Variants in TULP4 observed in about 807,000 individuals in gnomAD.
The protein encoded by TULP4 is tubby-related protein 4.
A neutral mutation model predicts 129.0 loss-of-function variants in TULP4; 16 were observed. The ratio of observed to expected loss-of-function variants is 0.12; its 90% CI spans 0.08 to 0.19. The LOEUF (loss-of-function observed/expected upper bound fraction) is 0.19. TULP4 is among the 10% of genes least tolerant of loss of function. TULP4 has a pLI of 1.00. For missense variants in TULP4, 1,842 were observed against 2,059.1 expected (o/e 0.89, Z 2.04); for synonymous variants, 998 against 854.0 (o/e 1.17, Z -2.94).
chr6:158,345,775 G>A (rs184147120), intron 1 of TULP4, among the ~76,000 whole-genome samples: 1 of 152,202 alleles, frequency 6.6e-6, no homozygotes, highest in Non-Finnish European at 1.5e-5. Context: ...CAGGGTTCAA[G>A]AGCAGAGAAG....
rs117573164 is a variant in TULP4 at position 158,503,887 on chromosome 6, C to T, written c.4224C>T (p.Ser1408=). 3,051 of 1,614,056 alleles carry T rather than the reference C, an allele frequency of 1.9e-3. 7 individuals carry two copies. The highest frequency in any genetic ancestry group is 1.7e-3 in the Non-Finnish European group (2,055 of 1,180,036). ...KTNEFQDSSE[S]EPELFISGDE... ...ACGAGTTCCAGGACAGCTCCGAGAG[C>T]GAGCCTGAGCTGTTCATCAGCGGGG... is the stretch of plus-strand genomic sequence containing the variant. The change falls in exon 13 of 14, where the codon AGC becomes AGT. Residue 1408 remains serine (S), a synonymous_variant. Transcript: ENST00000367097. The surrounding 1 kb of genome is among the most constrained non-coding windows in gnomAD (Gnocchi z 4.3).
chr6:158,294,078 A>G (rs1233340770), intron 1 of TULP4, among the ~76,000 whole-genome samples: 1 of 152,204 alleles, frequency 6.6e-6, no homozygotes, highest in Non-Finnish European at 1.5e-5. Flanking sequence ...GAAGCAGGTC[A>G]TCGGGCCAGG....
intron 1 of TULP4, among the ~76,000 whole-genome samples, chr6:158,381,444 C>T (rs953175029): frequency 2.0e-5 from 3 of 152,244 alleles, no homozygotes; most frequent in African/African-American, 7.2e-5. Context: ...TATGGCAGTT[C>T]AGGACAGATT....
At chr6:158,454,648 C>G (rs1241706689) in intron 5 of TULP4, among the ~76,000 whole-genome samples, 1 of 151,712 alleles carries the variant, frequency 6.6e-6, no homozygotes, top group African/African-American at 2.4e-5. Flanking sequence ...TCTTGTTGCC[C>G]AGGCTGGAGT....
chr6:158,424,654 G>GA (rs1778433100), intron 2 of TULP4, among the ~76,000 whole-genome samples: 1 of 152,078 alleles, frequency 6.6e-6, no homozygotes, highest in Non-Finnish European at 1.5e-5. Flanking sequence ...GACAAGGGGA[G>GA]AAAAAAGCGT....
At chr6:158,457,401 C>G (rs547505672) in intron 5 of TULP4, among the ~76,000 whole-genome samples, 5 of 152,082 alleles carry the variant, frequency 3.3e-5, no homozygotes, top group African/African-American at 1.2e-4. Flanking sequence ...GCTCAAAGGC[C>G]GGGTTCTGGG....
rs749856946 is a variant in TULP4 at position 158,501,657 on chromosome 6, C to T, written c.2015-21C>T. ...ATGGCAGTGTTTTTGTAAGCAGTTC[C>T]TTTTTCTAATTTTCTTCCAGTGACA... On this transcript the variant is annotated intron_variant, in intron 12 of 13. Transcript: ENST00000367097. 1.4e-5 allele frequency: 23 copies of T among 1,598,000 alleles called. No homozygotes were observed. The Middle Eastern group carries it at 5.0e-4, about 35-fold the overall frequency.
At chr6:158,448,241 A>C (rs993999626) in intron 3 of TULP4, among the ~76,000 whole-genome samples, 1 of 152,208 alleles carries the variant, frequency 6.6e-6, no homozygotes, top group Non-Finnish European at 1.5e-5. Flanking sequence ...GGTGAGGCCA[A>C]GGAAGGTGTC....
rs377428285 is a variant in TULP4, at chr6:158,502,447, G to A, written c.2784G>A (p.Thr928=). Residue 928 remains threonine (T), a synonymous_variant, in exon 13 of 14, where the codon ACG becomes ACA. Coordinates refer to ENST00000367097, the MANE Select transcript of TULP4 (RefSeq NM_020245.5). ...GPGSSATLRL[T]ATEKKVPQPC... is the part of the protein sequence containing the mutation. ...GTAGCTCTGCCACCTTGAGGCTCAC[G>A]GCCACTGAGAAGAAGGTCCCTCAGC... The A allele has an allele frequency of 1.9e-5, 31 of 1,613,010 alleles. No individual in the cohort carries two copies. The highest frequency in any genetic ancestry group is 4.5e-5 in the East Asian group (2 of 44,824).
At chr6:158,466,897 T>G (rs1779565031) in intron 6 of TULP4, among the ~76,000 whole-genome samples, 2 of 152,208 alleles carry the variant, frequency 1.3e-5, no homozygotes, top group South Asian at 4.1e-4. Flanking sequence ...CTGATCACTT[T>G]TCGCACTCTG....
At chr6:158,309,762 G>A (rs77167922), upstream of TULP4, among the ~76,000 whole-genome samples, 26,238 of 151,784 alleles carry the variant, frequency 0.17, 2,696 homozygotes, top group Middle Eastern at 0.24. Flanking sequence ...GTGGCGGCGC[G>A]CCTGCAATCG....
chr6:158,299,698 A>G (rs1299846698), intron 1 of TULP4, among the ~76,000 whole-genome samples: 1 of 152,190 alleles, frequency 6.6e-6, no homozygotes, highest in Non-Finnish European at 1.5e-5. Flanking sequence ...CTGTAGCTCC[A>G]GGCAGCCACA....
Position 158,489,693 on chromosome 6 carries a change from C to T in TULP4, c.1592C>T (p.Pro531Leu). 1.2e-6 allele frequency: 2 copies of T among 1,614,150 alleles called. No homozygotes were observed. The highest frequency in any genetic ancestry group is 2.2e-5 in the East Asian group (1 of 44,872). Reference sequence around the variant, plus strand: ...GATGACTGGGCTGCCAAGAAATCTCCCAAAATCTCCAGAGCTAGCAAATCA... The same window carrying T: ...GATGACTGGGCTGCCAAGAAATCTCTCAAAATCTCCAGAGCTAGCAAATCA... ...LSDDWAAKKS[P>L]KISRASKSPK... Residue 531 changes from proline to leucine, a missense_variant, in exon 9 of 14, where the codon CCC becomes CTC. Physicochemically the swap from Pro to Leu is moderately conservative, Grantham distance 98 (BLOSUM62 -3). Coordinates refer to ENST00000367097, the MANE Select transcript of TULP4 (RefSeq NM_020245.5).
chr6:158,476,073 C>T (rs1265462061), intron 6 of TULP4, among the ~76,000 whole-genome samples: 1 of 152,166 alleles, frequency 6.6e-6, no homozygotes, highest in Non-Finnish European at 1.5e-5. Context: ...AGGGGCAGTT[C>T]TTGTTATCTG....
At chr6:158,333,772 A>T (rs1439475611) in intron 1 of TULP4, among the ~76,000 whole-genome samples, 2 of 152,214 alleles carry the variant, frequency 1.3e-5, no homozygotes, top group African/African-American at 4.8e-5. Context: ...GTACTGTTCT[A>T]TTTTGTCATT....
At chr6:158,260,869 G>A (rs1384627323) in intron 1 of TULP4, among the ~76,000 whole-genome samples, 1 of 151,372 alleles carries the variant, frequency 6.6e-6, no homozygotes, top group Admixed American at 6.6e-5. Flanking sequence ...TGCCCAGGCT[G>A]GAGTGCAATG....
rs1206989267 is a variant in TULP4, at chr6:158,236,207, A to T, written n.68+3904A>T. The stretch of plus-strand genomic sequence containing the variant: ...TATGGGAAAAGTCTTTCTAAGCTTA[A>T]CACCAAATGGAAACCTATAAAGTAA... On this transcript the variant is annotated intron_variant and non_coding_transcript_variant, in intron 1 of 1. Transcript: ENST00000620026. 2.6e-5 allele frequency among the ~76,000 whole-genome samples: 4 copies of T among 152,386 alleles called. No individual in the cohort carries two copies. The East Asian group carries it at 7.7e-4, about 29-fold the overall frequency.
chr6:158,383,490 A>G (rs1467485487), intron 1 of TULP4, among the ~76,000 whole-genome samples: 2 of 152,224 alleles, frequency 1.3e-5, no homozygotes. Context: ...ATTCGAGTTG[A>G]GGTAGTTGCC....
At chr6:158,329,495 G>A (rs780888210) in intron 1 of TULP4, among the ~76,000 whole-genome samples, 15 of 146,316 alleles carry the variant, frequency 1.0e-4, no homozygotes, top group Non-Finnish European at 1.6e-4. Flanking sequence ...AACCTCGAAA[G>A]CACCATCCTT....
Sources: gnomAD v4.1 joint callset for allele counts (sites outside exome capture counted in the v4.1 genomes callset) on GRCh38, gnomAD v4.1.1 for gene constraint, Gnocchi (gnomAD v3.1) non-coding constraint, MANE v1.5 for transcripts, NCBI Gene and HGNC (gene_info 2026-07-23, HGNC 2026-07-21) for gene names.